Variants in CNTNAP2 observed in about 807,000 individuals in gnomAD.
The protein encoded by CNTNAP2 is contactin-associated protein-like 2.
A neutral mutation model predicts 155.2 loss-of-function variants in CNTNAP2; 98 were observed. The ratio of observed to expected loss-of-function variants is 0.63; its 90% CI spans 0.54 to 0.75. CNTNAP2 has a LOEUF of 0.75. CNTNAP2 is among the 30% of genes least tolerant of loss of function. The probability of loss-of-function intolerance (pLI) is 0.00; values close to 1 mark genes in which losing one functional copy is unlikely to be tolerated. For synonymous variants in CNTNAP2, 651 were observed against 631.2 expected, an observed-to-expected ratio of 1.03 and a Z score of -0.47; for missense variants, 1,727 against 1,688.1, an observed-to-expected ratio of 1.02 and a Z score of -0.40.
At chr7:146,225,671 T>G (rs1281390592) in intron 1 of CNTNAP2, among the ~76,000 whole-genome samples, 1 of 152,214 alleles carries the variant, frequency 6.6e-6, no homozygotes, top group Admixed American at 6.5e-5. Context: ...ACTGGTGGAA[T>G]GTGTGTTATC....
chr7:146,772,691 A>G (rs529745755), intron 1 of CNTNAP2, among the ~76,000 whole-genome samples: 64 of 151,324 alleles, frequency 4.2e-4, no homozygotes, highest in African/African-American at 1.5e-3. Context: ...AAAAGAAAAA[A>G]GAGGAAAGGG....
intron 13 of CNTNAP2, among the ~76,000 whole-genome samples, chr7:147,750,690 A>C (rs529005649): frequency 2.6e-5 from 4 of 152,322 alleles, no homozygotes; most frequent in Non-Finnish European, 5.9e-5. Flanking sequence ...CTATCAGCTA[A>C]AATGATCCTG....
intron 8 of CNTNAP2, among the ~76,000 whole-genome samples, chr7:147,189,858 C>G (rs1802644555): frequency 6.6e-6 from 1 of 152,080 alleles, no homozygotes; most frequent in Non-Finnish European, 1.5e-5. Flanking sequence ...CATTCTCCTG[C>G]CTCAGCCTCC....
intron 1 of CNTNAP2, among the ~76,000 whole-genome samples, chr7:146,288,887 C>G (rs1433801547): frequency 1.4e-5 from 2 of 146,256 alleles, no homozygotes; most frequent in Non-Finnish European, 3.0e-5. Flanking sequence ...TCACTGCAAC[C>G]TCTGCCTCCC....
intron 10 of CNTNAP2, among the ~76,000 whole-genome samples, chr7:147,426,934 A>T (rs1267916566): frequency 6.6e-6 from 1 of 152,170 alleles, no homozygotes; most frequent in African/African-American, 2.4e-5. Flanking sequence ...TTGATAATCA[A>T]CTGTCTCAGT....
At chr7:146,958,655 C>T (rs1321981635) in intron 3 of CNTNAP2, among the ~76,000 whole-genome samples, 1 of 151,888 alleles carries the variant, frequency 6.6e-6, no homozygotes, top group African/African-American at 2.4e-5. Context: ...CCTCGTGATC[C>T]GCCTGCCTCG....
At chr7:148,136,890 G>T (rs59849618) in intron 16 of CNTNAP2, among the ~76,000 whole-genome samples, 5,970 of 152,214 alleles carry the variant, frequency 0.039, 391 homozygotes, top group African/African-American at 0.14. Flanking sequence ...AGGCAAAAAT[G>T]TTTTATGCAA....
chr7:147,006,415 A>T (rs930077594), intron 3 of CNTNAP2, among the ~76,000 whole-genome samples: 1 of 152,086 alleles, frequency 6.6e-6, no homozygotes. Context: ...TATTTTACAA[A>T]ATGAAAATTT....
intron 1 of CNTNAP2, among the ~76,000 whole-genome samples, chr7:146,347,479 C>T (rs986449277): frequency 3.9e-5 from 6 of 152,154 alleles, no homozygotes; most frequent in African/African-American, 1.4e-4. Flanking sequence ...ACTGACTGGT[C>T]ATACCCTCCA....
chr7:146,922,424 CCTG>C (rs1381003854), intron 3 of CNTNAP2, among the ~76,000 whole-genome samples: 1 of 152,080 alleles, frequency 6.6e-6, no homozygotes, highest in Non-Finnish European at 1.5e-5. Flanking sequence ...CCCCCCATGT[CCTG>C]AACGTAGTGG....
chr7:147,033,180 A>ATATG (rs1554427696), intron 3 of CNTNAP2, among the ~76,000 whole-genome samples: 4 of 85,250 alleles, frequency 4.7e-5, no homozygotes, highest in East Asian at 3.7e-4. Flanking sequence ...ATATATATAT[A>ATATG]TATATATATA....
At chr7:147,736,800 C>T (rs1796855336) in intron 13 of CNTNAP2, among the ~76,000 whole-genome samples, 1 of 152,172 alleles carries the variant, frequency 6.6e-6, no homozygotes, top group Non-Finnish European at 1.5e-5. Flanking sequence ...ACCCTTTCTT[C>T]CAGTTGATTG....
At chr7:148,374,091 G>A (rs1730399) in intron 21 of CNTNAP2, among the ~76,000 whole-genome samples, 108,651 of 151,946 alleles carry the variant, frequency 0.72, 40,003 homozygotes, top group Admixed American at 0.81. Flanking sequence ...CAGTTTCTTC[G>A]TGTGCTTGAC....
At chr7:148,336,724 C>T (rs1798122915) in intron 21 of CNTNAP2, among the ~76,000 whole-genome samples, 1 of 152,162 alleles carries the variant, frequency 6.6e-6, no homozygotes, top group South Asian at 2.1e-4. Context: ...CCTTAGGAAA[C>T]ATTTGAAACT....
intron 1 of CNTNAP2, among the ~76,000 whole-genome samples, chr7:146,655,769 T>G (rs1799986757): frequency 6.6e-6 from 1 of 152,206 alleles, no homozygotes. Context: ...CTTTTAAAGA[T>G]ATCCATGAAA....
intron 9 of CNTNAP2, among the ~76,000 whole-genome samples, chr7:147,302,733 T>C (rs906192873): frequency 6.6e-6 from 1 of 152,248 alleles, no homozygotes; most frequent in African/African-American, 2.4e-5. Context: ...TTTTAGATTC[T>C]TTTTGTAAAA....
intron 13 of CNTNAP2, among the ~76,000 whole-genome samples, chr7:147,669,053 A>T (rs1256421297): frequency 6.6e-6 from 1 of 152,204 alleles, no homozygotes; most frequent in African/African-American, 2.4e-5. Context: ...TAAGGTATCC[A>T]GTACAGCAAC....
chr7:146,610,377 TGC>T (rs1288342754), intron 1 of CNTNAP2, among the ~76,000 whole-genome samples: 896 of 152,274 alleles, frequency 5.9e-3, no homozygotes, highest in Non-Finnish European at 8.6e-3. Flanking sequence ...AAGGAGAACC[TGC>T]ATGTTCGGAA....
Position 147,052,823 on chromosome 7 carries a change from G to A in CNTNAP2, c.550+8769G>A, listed in dbSNP as rs141283712. Among the ~76,000 whole-genome samples the A allele has an allele frequency of 2.8e-3, 432 of 151,966 alleles. 2 individuals carry two copies. The highest frequency in any genetic ancestry group is 9.9e-3 in the African/African-American group (410 of 41,480). ...ACAAGATAAACTGATAATTAATGAG[G>A]TAATTAAAATTGTCATGTGCTGTAT... On this transcript the variant is annotated intron_variant, in intron 4 of 23. Transcript: ENST00000361727.
Sources: gnomAD v4.1 joint callset for allele counts (sites outside exome capture counted in the v4.1 genomes callset) on GRCh38, gnomAD v4.1.1 for gene constraint, MANE v1.5 for transcripts, NCBI Gene and HGNC (gene_info 2026-07-23, HGNC 2026-07-21) for gene names.